The following TMED8 variants were observed in gnomAD, a reference collection of about 807,000 sequenced individuals.
The protein encoded by TMED8 is transmembrane p24 trafficking protein family member 8.
In TMED8, 15 loss-of-function variants were observed where a neutral mutation model predicts 32.7. That is an observed-to-expected ratio of 0.46 (90% CI 0.31 to 0.71). The LOEUF is 0.71. Ranked by LOEUF, TMED8 falls within the 30% of genes least tolerant of loss-of-function variation. The probability of loss-of-function intolerance (pLI) is 0.06; values close to 1 mark genes in which losing one functional copy is unlikely to be tolerated. For synonymous variants in TMED8, 147 were observed against 161.4 expected (o/e 0.91, Z 0.68); for missense variants, 390 against 423.9 (o/e 0.92, Z 0.70).
intron 1 of TMED8, among the ~76,000 whole-genome samples, chr14:77,362,662 C>A (rs759753452): frequency 6.6e-6 from 1 of 151,998 alleles, no homozygotes; most frequent in African/African-American, 2.4e-5. Flanking sequence ...GGATTAAGTT[C>A]TCCAATTAGA....
chr14:77,340,426 C>T lies in TMED8; in HGVS notation c.*1345G>A, dbSNP rs1402792349. On this transcript the variant is annotated 3_prime_UTR_variant, in exon 6 of 6. Transcript: ENST00000216468. The stretch of plus-strand genomic sequence containing the variant: ...GTAATAAATAAATCTAATTATTCTT[C>T]AGAATTCGTAGGCAGTAACAGACAT... 3 of 152,214 alleles carry T rather than the reference C, an allele frequency of 2.0e-5. No homozygotes were observed. Among genetic ancestry groups the T allele is most frequent in the African/African-American group, 7.2e-5 (3 of 41,450 alleles). The allele number at this position is 152,214 out of a possible 1,614,324, so 9.4% of individuals were successfully genotyped here. A position where few individuals can be genotyped will look rare whatever the true frequency, so the allele number is the denominator to read the frequency against.
At chr14:77,363,674 T>C (rs1427743665) in intron 1 of TMED8, among the ~76,000 whole-genome samples, 1 of 151,676 alleles carries the variant, frequency 6.6e-6, no homozygotes, top group Non-Finnish European at 1.5e-5. Flanking sequence ...ATCATAATAA[T>C]AGTATCTCAA....
In TMED8 at chr14:77,376,604, C is replaced by T. The variant is rs938152669; in HGVS notation, c.118+332G>A. ...CGGCAGTCTAGATGTGATTAGCAGA[C>T]GGAGGTGGGACCCGAACCCCGGCTG... On this transcript the variant is annotated intron_variant, in intron 1 of 5. Transcript: ENST00000216468. This position sits in a 1 kb window ranked among gnomAD's most constrained non-coding sequence, Gnocchi z 4.0. 3 of 179,048 alleles carry T rather than the reference C, an allele frequency of 1.7e-5. No individual in the cohort carries two copies. The highest frequency in any genetic ancestry group is 3.5e-5 in the Non-Finnish European group (3 of 86,074). The allele number at this position is 179,048 out of a possible 1,614,324, so 11.1% of individuals were successfully genotyped here.
intron 1 of TMED8, among the ~76,000 whole-genome samples, chr14:77,373,587 G>T (rs1012026250): frequency 3.9e-5 from 6 of 152,062 alleles, no homozygotes; most frequent in Admixed American, 1.3e-4. Flanking sequence ...TCTCTGCAGA[G>T]AACACTTTTA....
In TMED8 at chr14:77,346,482, T is replaced by C; in HGVS notation, c.198-4A>G. On this transcript the variant is annotated splice_polypyrimidine_tract_variant and splice_region_variant and intron_variant, in intron 2 of 5. Transcript: ENST00000216468. ...CACTGGAGATACCATCTGTGGCCTCTCAGAGGAAGAGAGCATGTTAATTCA... is the reference window on the plus strand; with the variant it reads ...CACTGGAGATACCATCTGTGGCCTCCCAGAGGAAGAGAGCATGTTAATTCA... 4 of 1,614,122 alleles carry C rather than the reference T, an allele frequency of 2.5e-6. No individual in the cohort carries two copies. Among genetic ancestry groups the C allele is most frequent in the Non-Finnish European group, 3.4e-6 (4 of 1,180,030 alleles).
intron 1 of TMED8, among the ~76,000 whole-genome samples, chr14:77,369,511 T>C (rs1380369774): frequency 6.6e-6 from 1 of 152,252 alleles, no homozygotes; most frequent in Admixed American, 6.5e-5. Context: ...AGGCTCCCCC[T>C]TGACGGGTCC....
chr14:77,376,950 T>C lies in TMED8; in HGVS notation c.104A>G (p.Gln35Arg). The C allele has an allele frequency of 6.9e-7, 1 of 1,456,310 alleles. No individual in the cohort carries two copies. The highest frequency in any genetic ancestry group is 9.0e-7 in the Non-Finnish European group (1 of 1,111,706). The allele number at this position is 1,456,310 out of a possible 1,614,324, so 90.2% of individuals were successfully genotyped here. A position where few individuals can be genotyped will look rare whatever the true frequency, so the allele number is the denominator to read the frequency against. ...VGDCQGVEGSQAAASENEDLE... is the reference protein window; with the variant it reads ...VGDCQGVEGSRAAASENEDLE... The stretch of plus-strand genomic sequence containing the variant: ...GCCTTGCGTACCTGAGGCGGCCGCC[T>C]GGCTCCCCTCCACTCCCTGGCAGTC... Residue 35 changes from glutamine (Q) to arginine (R), a missense_variant, in exon 1 of 6, where the codon CAG becomes CGG. Transcript: ENST00000216468. The surrounding 1 kb of genome is among the most constrained non-coding windows in gnomAD (Gnocchi z 4.0).
intron 3 of TMED8, among the ~76,000 whole-genome samples, chr14:77,344,417 A>G (rs964940452): frequency 1.3e-5 from 2 of 152,244 alleles, no homozygotes; most frequent in African/African-American, 2.4e-5. Flanking sequence ...TGTTCTATCA[A>G]TAGTTACAAT....
At chr14:77,346,206 G>T in intron 3 of TMED8, 143 bp downstream of exon 3, 1 of 805,976 alleles carries the variant, frequency 1.2e-6, no homozygotes, top group Non-Finnish European at 1.9e-6. Context: ...AAAAAATAAT[G>T]AAGACCAAGA....
intron 1 of TMED8, among the ~76,000 whole-genome samples, chr14:77,368,269 G>A (rs1893600816): frequency 1.4e-5 from 1 of 72,764 alleles, no homozygotes; most frequent in African/African-American, 7.8e-5. Context: ...TACCAGCATT[G>A]TAGCATCATT....
At chr14:77,353,201 T>C (rs1192640651) in intron 1 of TMED8, among the ~76,000 whole-genome samples, 5 of 152,324 alleles carry the variant, frequency 3.3e-5, no homozygotes, top group East Asian at 1.9e-4. Flanking sequence ...AGATAGCATA[T>C]GGTTTAGTGC....
At chr14:77,346,760 GTTTTTTTT>G in intron 2 of TMED8, among the ~76,000 whole-genome samples, 5 of 69,458 alleles carry the variant, frequency 7.2e-5, no homozygotes, top group South Asian at 1.5e-3. Flanking sequence ...TGCTGGTCTG[GTTTTTTTT>G]TTTTTTTTTT....
intron 1 of TMED8, among the ~76,000 whole-genome samples, chr14:77,360,369 T>C (rs1893406825): frequency 6.6e-6 from 1 of 152,198 alleles, no homozygotes; most frequent in African/African-American, 2.4e-5. Flanking sequence ...CCACCACCTC[T>C]AGTAACCACT....
At chr14:77,366,393 G>C (rs1466516042) in intron 1 of TMED8, among the ~76,000 whole-genome samples, 1 of 152,206 alleles carries the variant, frequency 6.6e-6, no homozygotes, top group Admixed American at 6.5e-5. Flanking sequence ...GGTGAAACAG[G>C]AGTGGGACAA....
At chr14:77,363,324 A>G (rs1893479538) in intron 1 of TMED8, among the ~76,000 whole-genome samples, 1 of 152,220 alleles carries the variant, frequency 6.6e-6, no homozygotes, top group Admixed American at 6.5e-5. Flanking sequence ...AAAAATCACA[A>G]AGATGTGGAA....
At chr14:77,348,736 TTTTC>T (rs1893108692) in intron 2 of TMED8, among the ~76,000 whole-genome samples, 1 of 103,116 alleles carries the variant, frequency 9.7e-6, no homozygotes, top group African/African-American at 3.0e-5. Flanking sequence ...AGTTTGTTTC[TTTTC>T]TTTTTTAACA....
chr14:77,345,286 C>T (rs1892998998), intron 3 of TMED8, among the ~76,000 whole-genome samples: 1 of 152,212 alleles, frequency 6.6e-6, no homozygotes, highest in African/African-American at 2.4e-5. Flanking sequence ...CGGGCCCAGC[C>T]AGTTTCCTCA....
intron 1 of TMED8, 139 bp from the exon 2 acceptor site, chr14:77,351,890 GC>G: frequency 1.9e-6 from 1 of 540,146 alleles, no homozygotes; most frequent in Non-Finnish European, 3.2e-6. Context: ...ACTCTCAGAG[GC>G]CCAACACATA....
At position 77,335,484 on chromosome 14, in the gene TMED8, A is replaced by G. The variant is rs1045133648; in HGVS notation, c.*6287T>C. On this transcript the variant is annotated 3_prime_UTR_variant, in exon 6 of 6. Coordinates refer to ENST00000216468, the MANE Select transcript of TMED8 (RefSeq NM_213601.3). ...GAAAATAATGTCTTTGTAGTTGCCA[A>G]TTGCTTAAATCTTTACGAAGAAAAC... 4.6e-5 allele frequency: 7 copies of G among 152,256 alleles called. No individual in the cohort carries two copies. The highest frequency in any genetic ancestry group is 1.4e-4 in the African/African-American group (6 of 41,474). 9.4% of individuals were successfully genotyped at this position (152,256 alleles called of 1,614,324 possible). A position where few individuals can be genotyped will look rare whatever the true frequency, so the allele number is the denominator to read the frequency against.
Sources: gnomAD v4.1 joint callset for allele counts (sites outside exome capture counted in the v4.1 genomes callset) on GRCh38, gnomAD v4.1.1 for gene constraint, Gnocchi (gnomAD v3.1) non-coding constraint, MANE v1.5 for transcripts, NCBI Gene and HGNC (gene_info 2026-07-23, HGNC 2026-07-21) for gene names.